Variants in ROR2 observed in about 807,000 individuals in gnomAD.
The protein encoded by ROR2 is ROR family WNT receptor 2.
Under a neutral mutation model 74.9 loss-of-function variants are expected in ROR2, and 33 were observed. That is an observed-to-expected ratio of 0.44 (90% confidence interval 0.33 to 0.59). The LOEUF (loss-of-function observed/expected upper bound fraction) is 0.59. Ranked by LOEUF, ROR2 falls within the 20% of genes least tolerant of loss-of-function variation. The probability of loss-of-function intolerance (pLI) is 0.02; values close to 1 mark genes in which losing one functional copy is unlikely to be tolerated. For missense variants in ROR2, 1,216 were observed against 1,313.8 expected (o/e 0.93, Z 1.15); for synonymous variants, 586 against 558.7 (o/e 1.05, Z -0.69).
At chr9:91,743,696 A>G (rs1415369410) in intron 4 of ROR2, among the ~76,000 whole-genome samples, 1 of 152,218 alleles carries the variant, frequency 6.6e-6, no homozygotes, top group Non-Finnish European at 1.5e-5. Context: ...TCCTCAAAAC[A>G]TTAGCAAACT....
chr9:91,812,931 G>A (rs1281576097), intron 1 of ROR2, among the ~76,000 whole-genome samples: 1 of 152,086 alleles, frequency 6.6e-6, no homozygotes, highest in East Asian at 1.9e-4. Context: ...TTTTTCACAT[G>A]TACATCTGTC....
chr9:91,832,007 C>T (rs993770301), intron 1 of ROR2, among the ~76,000 whole-genome samples: 2 of 152,104 alleles, frequency 1.3e-5, no homozygotes, highest in Non-Finnish European at 2.9e-5. Context: ...CTGGGCCACA[C>T]ATGTTCTGTC....
Position 91,725,629 on chromosome 9 carries a change from G to A in ROR2, c.1387-522C>T, listed in dbSNP as rs549596750. Among the ~76,000 whole-genome samples, 5 of 152,348 alleles carry A rather than the reference G, an allele frequency of 3.3e-5. No homozygotes were observed. The South Asian group carries it at 8.3e-4, about 25-fold the overall frequency. ...AAGAGTCCAAGCCAGTTGTTCTACA[G>A]AGGTTCCCTCAATGGGCCTGTCCAT... On this transcript the variant is annotated intron_variant, in intron 8 of 8. Transcript: ENST00000375708.
chr9:91,935,152 A>T (rs1002129113), intron 1 of ROR2, among the ~76,000 whole-genome samples: 1 of 152,204 alleles, frequency 6.6e-6, no homozygotes, highest in South Asian at 2.1e-4. Flanking sequence ...GACACCCCCA[A>T]ATATGCTCAT....
chr9:91,925,680 A>T (rs551313560), intron 1 of ROR2, among the ~76,000 whole-genome samples: 1 of 152,238 alleles, frequency 6.6e-6, no homozygotes, highest in East Asian at 1.9e-4. Flanking sequence ...GATAATCCAT[A>T]GGAACTCAAA....
At chr9:91,752,804 A>C (rs1321565671) in intron 4 of ROR2, among the ~76,000 whole-genome samples, 1 of 152,238 alleles carries the variant, frequency 6.6e-6, no homozygotes, top group Admixed American at 6.5e-5. Flanking sequence ...GAAGTATTTC[A>C]GGGTAAATGT....
chr9:91,800,689 C>T (rs1827344522), intron 1 of ROR2, among the ~76,000 whole-genome samples: 1 of 152,218 alleles, frequency 6.6e-6, no homozygotes, highest in South Asian at 2.1e-4. Context: ...CAGAGCACAG[C>T]ACGTGGGCAT....
At chr9:91,871,503 A>T (rs1829795845) in intron 1 of ROR2, among the ~76,000 whole-genome samples, 1 of 152,196 alleles carries the variant, frequency 6.6e-6, no homozygotes. Context: ...TCCATTTTAA[A>T]TTCTTGCGAC....
rs76518734 is a variant in ROR2 at position 91,723,426 on chromosome 9, C to T, written c.*236G>A. The T allele has an allele frequency of 2.0e-3, 1,195 of 594,734 alleles. 13 individuals are homozygous for T. The African/African-American group carries it at 0.02, about 10-fold the overall frequency. 36.8% of individuals were successfully genotyped at this position (594,734 alleles called of 1,614,324 possible). A position where few individuals can be genotyped will look rare whatever the true frequency, so the allele number is the denominator to read the frequency against. On this transcript the variant is annotated 3_prime_UTR_variant, in exon 9 of 9. Transcript: ENST00000375708. ...GCCCTGGGGATGACCATGTGTCCTG[C>T]TCCCCAGGACGCCGTGCTGCCAGAC...
chr9:91,859,197 CTTTTTT>C (rs541283275), intron 1 of ROR2, among the ~76,000 whole-genome samples: 30,630 of 121,110 alleles, frequency 0.25, 3,675 homozygotes, highest in Admixed American at 0.43. Flanking sequence ...GAAAGTATTC[CTTTTTT>C]TTTTTTTTTT....
At chr9:91,935,272 C>T (rs1385642011) in intron 1 of ROR2, among the ~76,000 whole-genome samples, 1 of 152,246 alleles carries the variant, frequency 6.6e-6, no homozygotes, top group Non-Finnish European at 1.5e-5. Context: ...TGGCCAAGCA[C>T]CCCTGCCCCT....
intron 2 of ROR2, among the ~76,000 whole-genome samples, chr9:91,766,598 C>T (rs1417956254): frequency 6.6e-6 from 1 of 152,170 alleles, no homozygotes; most frequent in Non-Finnish European, 1.5e-5. Flanking sequence ...ATTTCTTTCT[C>T]CATTGGTGTT....
At chr9:91,767,152 A>G (rs1461376630) in intron 2 of ROR2, among the ~76,000 whole-genome samples, 1 of 150,262 alleles carries the variant, frequency 6.7e-6, no homozygotes, top group Non-Finnish European at 1.5e-5. Flanking sequence ...TCGGCTCACC[A>G]CAACCTTCAA....
At chr9:91,747,600 T>C (rs1309193584) in intron 4 of ROR2, among the ~76,000 whole-genome samples, 1 of 152,238 alleles carries the variant, frequency 6.6e-6, no homozygotes, top group Non-Finnish European at 1.5e-5. Flanking sequence ...GTGCATTTTC[T>C]ATAGAAGTGG....
intron 1 of ROR2, among the ~76,000 whole-genome samples, chr9:91,922,592 T>C (rs1003490754): frequency 4.6e-5 from 7 of 152,104 alleles, no homozygotes; most frequent in Non-Finnish European, 1.0e-4. Flanking sequence ...TAGCTGGGAC[T>C]ACAGGCGCGT....
rs111226691 is a variant in ROR2, at chr9:91,840,698, T to A, written c.98-64880A>T. On this transcript the variant is annotated intron_variant, in intron 1 of 8. Coordinates refer to ENST00000375708, the MANE Select transcript of ROR2 (RefSeq NM_004560.4). The stretch of plus-strand genomic sequence containing the variant: ...CAAACACACCAACAACCAAGACAGG[T>A]GAGGCGGTGATGGCCAGAACCAAAT... Among the ~76,000 whole-genome samples, 1,310 of 152,266 alleles carry A rather than the reference T, an allele frequency of 8.6e-3. 19 individuals carry two copies. The highest frequency in any genetic ancestry group is 0.012 in the Non-Finnish European group (792 of 68,016).
At chr9:91,936,206 A>G (rs1257389343) in intron 1 of ROR2, among the ~76,000 whole-genome samples, 1 of 152,230 alleles carries the variant, frequency 6.6e-6, no homozygotes, top group African/African-American at 2.4e-5. Context: ...ATCCACAGGC[A>G]CTTATGGGTG....
chr9:91,901,792 G>GCGACAGGGCAA (rs1830683353), intron 1 of ROR2, among the ~76,000 whole-genome samples: 1 of 146,736 alleles, frequency 6.8e-6, no homozygotes, highest in African/African-American at 2.5e-5. Flanking sequence ...CTCCAGCCTG[G>GCGACAGGGCAA]GACTCCATCT....
At chr9:91,799,006 A>T (rs1433854315) in intron 1 of ROR2, among the ~76,000 whole-genome samples, 1 of 152,096 alleles carries the variant, frequency 6.6e-6, no homozygotes, top group Non-Finnish European at 1.5e-5. Flanking sequence ...ACACAGAAAC[A>T]CCAAGCTGAA....
Sources: gnomAD v4.1 joint callset for allele counts (sites outside exome capture counted in the v4.1 genomes callset) on GRCh38, gnomAD v4.1.1 for gene constraint, MANE v1.5 for transcripts, NCBI Gene and HGNC (gene_info 2026-07-23, HGNC 2026-07-21) for gene names.